Variants in HPSE2 observed in about 807,000 individuals in gnomAD.
HPSE2 encodes inactive heparanase-2.
In HPSE2, 38 loss-of-function variants were observed where a neutral mutation model predicts 60.5. The ratio of observed to expected loss-of-function variants is 0.63; its 90% CI spans 0.48 to 0.82. The LOEUF (loss-of-function observed/expected upper bound fraction) is 0.82. HPSE2 is among the 40% of genes least tolerant of loss of function. The probability of loss-of-function intolerance (pLI) is 0.00; values close to 1 mark genes in which losing one functional copy is unlikely to be tolerated. For missense variants in HPSE2, 713 were observed against 740.4 expected, an observed-to-expected ratio of 0.96 and a Z score of 0.43; for synonymous variants, 295 against 293.2, an observed-to-expected ratio of 1.01 and a Z score of -0.06.
chr10:99,247,457 C>A, the HPSE2 span, among the ~76,000 whole-genome samples: 3 of 152,148 alleles, frequency 2.0e-5, no homozygotes, highest in African/African-American at 7.2e-5. Flanking sequence ...AGTATATAAC[C>A]CATAGATCCT....
chr10:99,023,647 C>CAG (rs964203886), intron 3 of HPSE2, among the ~76,000 whole-genome samples: 1 of 151,934 alleles, frequency 6.6e-6, no homozygotes, highest in South Asian at 2.1e-4. Flanking sequence ...TTGCTCAGAA[C>CAG]AGAGAGAGAG....
chr10:99,275,438 T>C, the HPSE2 span, among the ~76,000 whole-genome samples: 1 of 152,098 alleles, frequency 6.6e-6, no homozygotes, highest in East Asian at 1.9e-4. Flanking sequence ...ACTTGGGACA[T>C]TTATGAGCAC....
the HPSE2 span, among the ~76,000 whole-genome samples, chr10:99,308,585 T>C: frequency 6.6e-6 from 1 of 152,062 alleles, no homozygotes; most frequent in African/African-American, 2.4e-5. Flanking sequence ...GCAGCACCTG[T>C]GGCTGCAAGG....
intron 3 of HPSE2, among the ~76,000 whole-genome samples, chr10:98,939,209 T>G (rs1954909752): frequency 7.0e-6 from 1 of 143,674 alleles, no homozygotes; most frequent in Non-Finnish European, 1.5e-5. Context: ...AACATCATAA[T>G]GACAGGATAA....
chr10:98,824,842 T>C (rs549748150), intron 3 of HPSE2, among the ~76,000 whole-genome samples: 2 of 152,368 alleles, frequency 1.3e-5, no homozygotes, highest in Admixed American at 1.3e-4. Flanking sequence ...TTCCTTGTGG[T>C]ATAGCACTTA....
chr10:98,691,980 A>G (rs183626502), intron 6 of HPSE2, among the ~76,000 whole-genome samples: 86 of 152,326 alleles, frequency 5.6e-4, no homozygotes, highest in African/African-American at 1.9e-3. Flanking sequence ...GGTGAATTGA[A>G]TAAGTGCCAT....
At chr10:98,890,574 A>AT (rs991931180) in intron 3 of HPSE2, among the ~76,000 whole-genome samples, 1 of 152,204 alleles carries the variant, frequency 6.6e-6, no homozygotes, top group Non-Finnish European at 1.5e-5. Context: ...TTCTCCTTTA[A>AT]TTTTTTTCAA....
intron 9 of HPSE2, among the ~76,000 whole-genome samples, chr10:98,536,360 C>G (rs1403360808): frequency 6.6e-6 from 1 of 152,134 alleles, no homozygotes; most frequent in Admixed American, 6.5e-5. Context: ...TAGTGGGGAA[C>G]CCAAACAAAA....
the HPSE2 span, among the ~76,000 whole-genome samples, chr10:99,309,172 G>A: frequency 6.6e-6 from 1 of 152,240 alleles, no homozygotes; most frequent in East Asian, 1.9e-4. Flanking sequence ...CCAGGGGCTG[G>A]GTGTAGAAAG....
intron 3 of HPSE2, among the ~76,000 whole-genome samples, chr10:99,002,551 T>C (rs1315241437): frequency 6.6e-6 from 1 of 152,050 alleles, no homozygotes; most frequent in Admixed American, 6.5e-5. Flanking sequence ...AGACACCTTA[T>C]AAAATACCTG....
intron 2 of HPSE2, among the ~76,000 whole-genome samples, chr10:99,230,906 A>G (rs564261552): frequency 6.0e-4 from 92 of 152,336 alleles, no homozygotes; most frequent in Non-Finnish European, 1.2e-3. Flanking sequence ...CCTGGGAGCT[A>G]TAAGGTTCTG....
At chr10:99,033,013 G>A (rs4132028) in intron 3 of HPSE2, among the ~76,000 whole-genome samples, 75,284 of 152,064 alleles carry the variant, frequency 0.5, 20,895 homozygotes, top group East Asian at 0.62. Context: ...ATTCCCCTTT[G>A]CCATGTAAGT....
chr10:99,252,639 G>A, the HPSE2 span, among the ~76,000 whole-genome samples: 1 of 152,138 alleles, frequency 6.6e-6, no homozygotes, highest in Non-Finnish European at 1.5e-5. Flanking sequence ...CACTTTGGGA[G>A]GCTGAGGTGG....
intron 3 of HPSE2, among the ~76,000 whole-genome samples, chr10:99,029,775 G>A (rs190454434): frequency 3.9e-5 from 6 of 152,306 alleles, no homozygotes; most frequent in Non-Finnish European, 4.4e-5. Context: ...ACAGGGAGAC[G>A]GTTAGGCCTC....
intron 3 of HPSE2, among the ~76,000 whole-genome samples, chr10:98,922,921 T>C (rs983631277): frequency 6.6e-6 from 1 of 152,240 alleles, no homozygotes; most frequent in Non-Finnish European, 1.5e-5. Context: ...TTAGTCAAGA[T>C]AAGTTTATAC....
chr10:99,249,737 A>T, the HPSE2 span, among the ~76,000 whole-genome samples: 16 of 152,308 alleles, frequency 1.1e-4, no homozygotes, highest in African/African-American at 3.8e-4. Context: ...TTTGAATTGT[A>T]ATCCCCAATT....
At chr10:99,026,193 G>A (rs983999042) in intron 3 of HPSE2, among the ~76,000 whole-genome samples, 3 of 152,018 alleles carry the variant, frequency 2.0e-5, no homozygotes, top group African/African-American at 7.2e-5. Context: ...CTGAATGGAT[G>A]AGAAAATAAG....
At chr10:99,119,094 AGAGAGGGAGG>A (rs1844839224) in intron 3 of HPSE2, among the ~76,000 whole-genome samples, 1 of 96,462 alleles carries the variant, frequency 1.0e-5, no homozygotes, top group African/African-American at 3.3e-5. Flanking sequence ...AGAAAGAGAG[AGAGAGGGAGG>A]GAGGGAGGGA....
At chr10:98,675,579 A>ACACACACACACACAC (rs59595985) in intron 6 of HPSE2, among the ~76,000 whole-genome samples, 2 of 122,244 alleles carry the variant, frequency 1.6e-5, no homozygotes, top group Non-Finnish European at 3.5e-5. Context: ...CACACACACA[A>ACACACACACACACAC]TAACCAGCCA....
Sources: allele counts gnomAD v4.1 joint callset (sites outside exome capture counted in the v4.1 genomes callset), GRCh38; gene constraint gnomAD v4.1.1; transcripts MANE v1.5; gene names NCBI Gene and HGNC (gene_info 2026-07-23, HGNC 2026-07-21).